The following NYAP2 variants were observed in gnomAD, a reference collection of about 807,000 sequenced individuals.
The protein encoded by NYAP2 is neuronal tyrosine-phosphorylated phosphoinositide-3-kinase adapter 2.
A neutral mutation model predicts 50.4 loss-of-function variants in NYAP2; 23 were observed. The observed-to-expected ratio is 0.46, with a 90% CI of 0.33 to 0.65. The LOEUF is 0.65. NYAP2 is among the 30% of genes least tolerant of loss of function. The pLI is 0.02. For synonymous variants in NYAP2, 394 were observed against 365.2 expected (o/e 1.08, Z -0.90); for missense variants, 885 against 861.0 (o/e 1.03, Z -0.35).
At chr2:225,519,657 A>T (rs560310215) in intron 4 of NYAP2, among the ~76,000 whole-genome samples, 2 of 152,098 alleles carry the variant, frequency 1.3e-5, no homozygotes, top group Non-Finnish European at 2.9e-5. Context: ...ACATTTTCTT[A>T]ATCCAGTCTA....
At chr2:225,653,501 ATGCTGTTAGTT>A (rs1343174159) in exon 7 of NYAP2, 2 of 152,356 alleles carry the variant, frequency 1.3e-5, no homozygotes, top group African/African-American at 4.8e-5. Context: ...ACGCCTTTAT[ATGCTGTTAGTT>A]TCCTTACCTG....
At chr2:225,533,432 A>T (rs1001468240) in intron 4 of NYAP2, among the ~76,000 whole-genome samples, 4 of 152,212 alleles carry the variant, frequency 2.6e-5, no homozygotes, top group Admixed American at 2.0e-4. Flanking sequence ...CATGCCTATA[A>T]TCCCAGCACT....
rs116542962 is a variant in NYAP2, at chr2:225,567,459, G to A, written c.524-14482G>A. ...TTGATTGATTGCCTATTGGGAGCAA[G>A]TTGCTGTGTACAGTTTGCTGGGACT... On this transcript the variant is annotated intron_variant, in intron 4 of 6. Coordinates refer to ENST00000636099, the Ensembl canonical transcript of NYAP2. 4.0e-3 allele frequency among the ~76,000 whole-genome samples: 610 copies of A among 152,322 alleles called. 4 individuals carry two copies. The highest frequency in any genetic ancestry group is 0.014 in the Middle Eastern group (4 of 294).
chr2:225,683,542 C>A, the NYAP2 span, among the ~76,000 whole-genome samples: 1 of 151,454 alleles, frequency 6.6e-6, no homozygotes, highest in African/African-American at 2.5e-5. Context: ...AAGTTAACAG[C>A]AAATTTTGGA....
chr2:225,532,613 CCTT>C (rs1231783551), intron 4 of NYAP2, among the ~76,000 whole-genome samples: 5 of 152,138 alleles, frequency 3.3e-5, no homozygotes, highest in South Asian at 2.1e-4. Flanking sequence ...AAGCCAAACT[CCTT>C]CTTCTTGCAC....
intron 5 of NYAP2, among the ~76,000 whole-genome samples, chr2:225,626,533 G>T (rs1436010795): frequency 6.6e-6 from 1 of 152,164 alleles, no homozygotes; most frequent in Non-Finnish European, 1.5e-5. Context: ...CAAATAAAAG[G>T]CACTAGGTGA....
chr2:225,526,620 A>G (rs775412471), intron 4 of NYAP2, among the ~76,000 whole-genome samples: 14 of 152,108 alleles, frequency 9.2e-5, no homozygotes, highest in Non-Finnish European at 1.6e-4. Context: ...TGGCTTTTTG[A>G]CAGGCTTGTC....
downstream of NYAP2, among the ~76,000 whole-genome samples, chr2:225,656,413 T>C (rs576320637): frequency 6.6e-6 from 1 of 152,298 alleles, no homozygotes; most frequent in African/African-American, 2.4e-5. Context: ...CAAATGCTTA[T>C]TCCTTTTCAT....
At chr2:225,600,642 A>G (rs1692677113) in intron 5 of NYAP2, among the ~76,000 whole-genome samples, 1 of 152,196 alleles carries the variant, frequency 6.6e-6, no homozygotes. Context: ...CTTTGCAGTA[A>G]CAGTTTCACA....
the NYAP2 span, among the ~76,000 whole-genome samples, chr2:225,678,312 C>T: frequency 6.6e-6 from 1 of 151,982 alleles, no homozygotes; most frequent in African/African-American, 2.4e-5. Context: ...TTTTTATCCC[C>T]TTTGTTCATC....
At chr2:225,478,334 A>G (rs1173474428) in intron 3 of NYAP2, among the ~76,000 whole-genome samples, 2 of 152,044 alleles carry the variant, frequency 1.3e-5, no homozygotes, top group East Asian at 3.8e-4. Flanking sequence ...TCCAGGAAGA[A>G]GAAGCCAGTC....
intron 3 of NYAP2, among the ~76,000 whole-genome samples, chr2:225,488,921 A>G: frequency 6.6e-6 from 1 of 152,204 alleles, no homozygotes; most frequent in Admixed American, 6.5e-5. Flanking sequence ...CTTTGCTCAA[A>G]ACCACATAGT....
At chr2:225,414,619 G>A (rs1285939146) in intron 3 of NYAP2, among the ~76,000 whole-genome samples, 2 of 152,164 alleles carry the variant, frequency 1.3e-5, no homozygotes, top group East Asian at 1.9e-4. Context: ...AGTGACCAAC[G>A]AGAACAGAGT....
At chr2:225,467,542 C>T (rs886759820) in intron 3 of NYAP2, among the ~76,000 whole-genome samples, 4 of 152,114 alleles carry the variant, frequency 2.6e-5, no homozygotes, top group African/African-American at 9.7e-5. Context: ...TTGGCCTTGC[C>T]CTTTTTCCTA....
chr2:225,668,743 AGCTGC>A, the NYAP2 span, among the ~76,000 whole-genome samples: 1 of 151,572 alleles, frequency 6.6e-6, no homozygotes, highest in Non-Finnish European at 1.5e-5. Flanking sequence ...TGTGTGTGTC[AGCTGC>A]ACTCTCCTGG....
At chr2:225,663,671 C>T in the NYAP2 span, among the ~76,000 whole-genome samples, 4 of 152,248 alleles carry the variant, frequency 2.6e-5, no homozygotes, top group Admixed American at 2.6e-4. Context: ...GATTCTCCTG[C>T]CTTAGCCTCC....
At chr2:225,541,297 T>G (rs1425634262) in intron 4 of NYAP2, among the ~76,000 whole-genome samples, 1 of 152,150 alleles carries the variant, frequency 6.6e-6, no homozygotes, top group African/African-American at 2.4e-5. Context: ...AAACTTGATA[T>G]AATCCCATGT....
chr2:225,552,014 T>C (rs1185180980), intron 4 of NYAP2, among the ~76,000 whole-genome samples: 1 of 152,202 alleles, frequency 6.6e-6, no homozygotes, highest in Non-Finnish European at 1.5e-5. Flanking sequence ...GGTTTTACTA[T>C]GTTGGCCAGG....
the NYAP2 span, among the ~76,000 whole-genome samples, chr2:225,670,379 A>C: frequency 3.9e-5 from 6 of 152,116 alleles, no homozygotes; most frequent in Non-Finnish European, 8.8e-5. Context: ...AAACCACAGT[A>C]AATTTCCATA....
Sources: allele counts gnomAD v4.1 joint callset (sites outside exome capture counted in the v4.1 genomes callset), GRCh38; gene constraint gnomAD v4.1.1; transcripts MANE v1.5; gene names NCBI Gene and HGNC (gene_info 2026-07-23, HGNC 2026-07-21).